The following ADAMTSL1 variants were observed in gnomAD, a reference collection of about 807,000 sequenced individuals.
The protein encoded by ADAMTSL1 is ADAMTS-like protein 1.
A neutral mutation model predicts 201.8 loss-of-function variants in ADAMTSL1; 126 were observed. The observed-to-expected ratio is 0.62, with a 90% CI of 0.54 to 0.72. The LOEUF is 0.72. Among genes scored for constraint, ADAMTSL1 ranks in the 30% least tolerant of loss-of-function variants. The pLI, the probability that ADAMTSL1 is intolerant of heterozygous loss-of-function variation, is 0.00. For missense variants in ADAMTSL1, 2,679 were observed against 2,277.8 expected (o/e 1.18, Z -3.59); for synonymous variants, 1,121 against 903.4 (o/e 1.24, Z -4.32).
chr9:18,441,236 A>G (rs963291333), intron 2 of ADAMTSL1, among the ~76,000 whole-genome samples: 2 of 152,160 alleles, frequency 1.3e-5, no homozygotes, highest in Admixed American at 6.5e-5. Flanking sequence ...TGGTTGTACA[A>G]TCTTATACAG....
intron 1 of ADAMTSL1, among the ~76,000 whole-genome samples, chr9:17,967,780 T>C (rs1255527942): frequency 6.6e-6 from 1 of 152,128 alleles, no homozygotes; most frequent in Non-Finnish European, 1.5e-5. Context: ...TTTTGGTTCT[T>C]ATAGTAAATA....
intron 2 of ADAMTSL1, among the ~76,000 whole-genome samples, chr9:18,244,558 C>T (rs1416716416): frequency 6.6e-6 from 1 of 151,956 alleles, no homozygotes. Flanking sequence ...TCCTCTTTAC[C>T]CAAAATATAT....
intron 2 of ADAMTSL1, among the ~76,000 whole-genome samples, chr9:18,294,646 C>G (rs73428912): frequency 2.6e-5 from 4 of 152,294 alleles, no homozygotes; most frequent in Middle Eastern, 3.4e-3. Context: ...AATGCTTGAG[C>G]CCTTTCTAAG....
intron 2 of ADAMTSL1, among the ~76,000 whole-genome samples, chr9:18,288,432 C>CTT (rs1200050124): frequency 2.0e-5 from 3 of 152,228 alleles, no homozygotes; most frequent in African/African-American, 7.2e-5. Flanking sequence ...AATTTCTCAA[C>CTT]TTTAAAGGAC....
intron 2 of ADAMTSL1, among the ~76,000 whole-genome samples, chr9:18,169,793 T>G (rs1300433507): frequency 6.6e-6 from 1 of 152,136 alleles, no homozygotes; most frequent in Non-Finnish European, 1.5e-5. Context: ...TATCCTCTTC[T>G]ATTTCATTGA....
At chr9:18,700,705 C>T (rs1390662471) in intron 13 of ADAMTSL1, among the ~76,000 whole-genome samples, 1 of 151,960 alleles carries the variant, frequency 6.6e-6, no homozygotes, top group African/African-American at 2.4e-5. Context: ...ATTTTTTGGT[C>T]CTAAATAACA....
chr9:18,465,274 C>T (rs1171289468), intron 2 of ADAMTSL1, among the ~76,000 whole-genome samples: 4 of 152,148 alleles, frequency 2.6e-5, no homozygotes, highest in Non-Finnish European at 4.4e-5. Context: ...TGGCCCGTTC[C>T]GTTAATAGTT....
At chr9:18,491,280 T>C (rs568180814) in intron 1 of ADAMTSL1, among the ~76,000 whole-genome samples, 18 of 152,376 alleles carry the variant, frequency 1.2e-4, no homozygotes, top group Admixed American at 7.8e-4. Context: ...TCCATTTTAA[T>C]ATATTCCTGA....
At chr9:18,621,909 T>G (rs73433549) in intron 4 of ADAMTSL1, among the ~76,000 whole-genome samples, 2,296 of 152,294 alleles carry the variant, frequency 0.015, 57 homozygotes, top group African/African-American at 0.052. Flanking sequence ...GAGTTATTCT[T>G]GAATTAAGGC....
rs192175745 is a variant in ADAMTSL1 at position 18,277,095 on chromosome 9, T to G, written c.207+113114T>G. Among the ~76,000 whole-genome samples, 13 of 152,358 alleles carry G rather than the reference T, an allele frequency of 8.5e-5. No homozygotes were observed. The South Asian group carries it at 2.5e-3, about 29-fold the overall frequency. ...ATTTGTTTCTAGTTTCATACTATAG[T>G]GGCTAGAAAAGATACTTGATATGAT... On this transcript the variant is annotated intron_variant, in intron 2 of 29. Transcript: ENST00000680146.
chr9:18,136,719 A>T (rs1327862557), intron 1 of ADAMTSL1, among the ~76,000 whole-genome samples: 2 of 152,092 alleles, frequency 1.3e-5, no homozygotes, highest in Admixed American at 6.6e-5. Context: ...TGAAGTAGGA[A>T]AATAGACAGA....
At chr9:17,927,363 C>T (rs190549772) in intron 1 of ADAMTSL1, among the ~76,000 whole-genome samples, 192 of 151,892 alleles carry the variant, frequency 1.3e-3, no homozygotes, top group African/African-American at 4.3e-3. Context: ...TACATATATA[C>T]ATATGTGCAT....
intron 3 of ADAMTSL1, among the ~76,000 whole-genome samples, chr9:18,573,587 G>T (rs1460543523): frequency 6.6e-6 from 1 of 152,092 alleles, no homozygotes; most frequent in African/African-American, 2.4e-5. Flanking sequence ...ACTTTTTACT[G>T]CTAGTTATTC....
intron 2 of ADAMTSL1, among the ~76,000 whole-genome samples, chr9:18,226,885 G>A (rs72684932): frequency 0.053 from 8,037 of 152,010 alleles, 274 homozygotes; most frequent in African/African-American, 0.079. Context: ...ATGTTTATTT[G>A]TTGACACAGT....
intron 2 of ADAMTSL1, among the ~76,000 whole-genome samples, chr9:18,260,218 C>T (rs553703864): frequency 1.8e-4 from 28 of 152,332 alleles, no homozygotes; most frequent in Middle Eastern, 6.8e-3. Flanking sequence ...TTAAAGCCCC[C>T]TGCTGAGTCT....
At chr9:18,405,677 A>G (rs1423696259) in intron 2 of ADAMTSL1, among the ~76,000 whole-genome samples, 1 of 152,102 alleles carries the variant, frequency 6.6e-6, no homozygotes, top group Non-Finnish European at 1.5e-5. Flanking sequence ...AAGTTAATTT[A>G]AAACTATTAT....
intron 3 of ADAMTSL1, among the ~76,000 whole-genome samples, chr9:18,567,217 C>T (rs1178075966): frequency 6.6e-6 from 1 of 152,144 alleles, no homozygotes; most frequent in Non-Finnish European, 1.5e-5. Context: ...TTAATCTCAG[C>T]ACTTTGGGAG....
intron 2 of ADAMTSL1, among the ~76,000 whole-genome samples, chr9:18,329,593 G>A (rs1586904828): frequency 6.6e-6 from 1 of 152,102 alleles, no homozygotes; most frequent in African/African-American, 2.4e-5. Context: ...TCAAATGAAG[G>A]CAGTACTTAA....
intron 2 of ADAMTSL1, among the ~76,000 whole-genome samples, chr9:18,244,280 T>C (rs1431458514): frequency 1.3e-5 from 2 of 152,100 alleles, no homozygotes; most frequent in African/African-American, 2.4e-5. Context: ...AGTTTTCTAA[T>C]TGATCTGCTC....
Sources: gnomAD v4.1 joint callset for allele counts (sites outside exome capture counted in the v4.1 genomes callset) on GRCh38, gnomAD v4.1.1 for gene constraint, MANE v1.5 for transcripts, NCBI Gene and HGNC (gene_info 2026-07-23, HGNC 2026-07-21) for gene names.